Variants in COLEC12 observed in about 807,000 individuals in gnomAD.
COLEC12 encodes the protein collectin subfamily member 12.
A neutral mutation model predicts 71.1 loss-of-function variants in COLEC12; 33 were observed. That is an observed-to-expected ratio of 0.46 (90% confidence interval 0.35 to 0.62). The LOEUF is 0.62. Ranked by LOEUF, COLEC12 falls within the 20% of genes least tolerant of loss-of-function variation. COLEC12 has a pLI of 0.00. For synonymous variants in COLEC12, 350 were observed against 353.0 expected (o/e 0.99, Z 0.10); for missense variants, 765 against 916.1 (o/e 0.84, Z 2.13).
intron 2 of COLEC12, among the ~76,000 whole-genome samples, chr18:471,319 G>A (rs867712704): frequency 1.3e-5 from 2 of 151,764 alleles, no homozygotes; most frequent in African/African-American, 2.4e-5. Flanking sequence ...CTAAGATTTG[G>A]AACTTTCTCA....
intron 2 of COLEC12, among the ~76,000 whole-genome samples, chr18:413,627 C>T (rs1196724333): frequency 1.3e-5 from 2 of 152,178 alleles, no homozygotes; most frequent in Admixed American, 1.3e-4. Flanking sequence ...AGCTCAAGAC[C>T]AGCCTAGGCA....
chr18:390,795 C>T (rs1484624416), intron 2 of COLEC12, among the ~76,000 whole-genome samples: 2 of 151,750 alleles, frequency 1.3e-5, no homozygotes, highest in Non-Finnish European at 2.9e-5. Context: ...GCAGAGGCAA[C>T]GGCTCCTTTG....
intron 2 of COLEC12, among the ~76,000 whole-genome samples, chr18:428,408 G>A (rs1916239057): frequency 6.6e-6 from 1 of 152,196 alleles, no homozygotes; most frequent in African/African-American, 2.4e-5. Context: ...TTTGGTGTGA[G>A]ATGAGAACAG....
rs564386951 is a variant in COLEC12, at chr18:363,256, C to T, written c.59-5734G>A. On this transcript the variant is annotated intron_variant, in intron 2 of 9. Coordinates refer to ENST00000400256, the MANE Select transcript of COLEC12 (RefSeq NM_130386.3). Reference sequence around the variant, plus strand: ...AGAAAAAAAAAGAGTCTCCTTCACTCTCATATTTTTTTGCCATGTATATCA... The same window carrying T: ...AGAAAAAAAAAGAGTCTCCTTCACTTTCATATTTTTTTGCCATGTATATCA... 5.9e-5 allele frequency among the ~76,000 whole-genome samples: 9 copies of T among 152,266 alleles called. No individual in the cohort carries two copies. In the South Asian group the frequency reaches 6.2e-4, roughly 11 times the overall value.
At chr18:421,175 T>C (rs1367608210) in intron 2 of COLEC12, among the ~76,000 whole-genome samples, 1 of 152,242 alleles carries the variant, frequency 6.6e-6, no homozygotes, top group Non-Finnish European at 1.5e-5. Flanking sequence ...TATATGCATA[T>C]ACTTTGATAG....
chr18:467,696 G>GT (rs913400447), intron 2 of COLEC12, among the ~76,000 whole-genome samples: 1 of 152,176 alleles, frequency 6.6e-6, no homozygotes, highest in Non-Finnish European at 1.5e-5. Flanking sequence ...AATCTTCCAT[G>GT]TTTGAGTCTA....
rs1049945075 is a variant in COLEC12, at chr18:348,108, A to G, written c.237T>C (p.Tyr79=). Residue 79 remains tyrosine (Y), a synonymous_variant, in exon 4 of 10, where the codon TAT becomes TAC. Coordinates refer to ENST00000400256, the MANE Select transcript of COLEC12 (RefSeq NM_130386.3). ...TGGMETSRQT[Y]DDKLTAVESD... is the part of the protein sequence containing the mutation. The stretch of plus-strand genomic sequence containing the variant: ...TTTCCACTGCTGTGAGCTTGTCATC[A>G]TAGGTTTGGCGAGATGTTTCCATGC... 5.0e-6 allele frequency: 8 copies of G among 1,613,892 alleles called. No individual in the cohort carries two copies. Among genetic ancestry groups the G allele is most frequent in the Non-Finnish European group, 6.8e-6 (8 of 1,179,928 alleles).
chr18:388,591 T>G (rs1451007419), intron 2 of COLEC12, among the ~76,000 whole-genome samples: 1 of 152,210 alleles, frequency 6.6e-6, no homozygotes, highest in Non-Finnish European at 1.5e-5. Flanking sequence ...TCCAGGATTT[T>G]TTGTTTCATT....
chr18:334,715 C>T, intron 6 of COLEC12, 27 bp downstream of exon 6: 1 of 1,454,376 alleles, frequency 6.9e-7, no homozygotes. Flanking sequence ...CCCTGTCCCC[C>T]TGGCTGGAGG....
intron 2 of COLEC12, among the ~76,000 whole-genome samples, chr18:445,910 G>T (rs1357297639): frequency 2.0e-5 from 3 of 152,292 alleles, no homozygotes; most frequent in African/African-American, 7.2e-5. Flanking sequence ...GGGATTACAG[G>T]CATGAGTCAC....
rs536514891 is a variant in COLEC12 at position 360,714 on chromosome 18, G to A, written c.59-3192C>T. 2.0e-5 allele frequency among the ~76,000 whole-genome samples: 3 copies of A among 152,290 alleles called. No homozygotes were observed. The South Asian group carries it at 6.2e-4, about 32-fold the overall frequency. On this transcript the variant is annotated intron_variant, in intron 2 of 9. Coordinates refer to ENST00000400256, the MANE Select transcript of COLEC12 (RefSeq NM_130386.3). ...GCAACTGGTCTGAGGACCACACTTCGAGGAGCAAGGATTTAGTTTAGAAGC... is the reference window on the plus strand; with the variant it reads ...GCAACTGGTCTGAGGACCACACTTCAAGGAGCAAGGATTTAGTTTAGAAGC...
chr18:416,864 G>A (rs1487691565), intron 2 of COLEC12, among the ~76,000 whole-genome samples: 2 of 150,936 alleles, frequency 1.3e-5, no homozygotes, highest in African/African-American at 2.4e-5. Flanking sequence ...AGGTGGGGGC[G>A]GTGGGGGGTG....
At chr18:406,908 G>A (rs962793159) in intron 2 of COLEC12, among the ~76,000 whole-genome samples, 3 of 152,268 alleles carry the variant, frequency 2.0e-5, no homozygotes, top group Non-Finnish European at 4.4e-5. Context: ...CAGGAGCGAT[G>A]ACGGGACAAT....
chr18:466,021 T>C (rs1917078860), intron 2 of COLEC12, among the ~76,000 whole-genome samples: 1 of 151,974 alleles, frequency 6.6e-6, no homozygotes, highest in Non-Finnish European at 1.5e-5. Context: ...CAAGCACAGA[T>C]TGCACCATTG....
At position 423,748 on chromosome 18, in the gene COLEC12, GTTTTTTTTT is replaced by G. The variant is rs1567903803; in HGVS notation, c.58+56950_58+56958del. On this transcript the variant is annotated intron_variant, in intron 2 of 9. Transcript: ENST00000400256. ...CGACTTCTGGTTTTGTTTTTTGTTT[GTTTTTTTTT>G]GTTTTGTTTTTTTTTCCCAGTCTTT... 3.4e-4 allele frequency: 51 copies of G among 151,266 alleles called. 1 individual carries two copies. Among genetic ancestry groups the G allele is most frequent in the Non-Finnish European group, 1.9e-4 (13 of 67,850 alleles). The allele number at this position is 151,266 out of a possible 1,614,324, so 9.4% of individuals were successfully genotyped here.
intron 2 of COLEC12, among the ~76,000 whole-genome samples, chr18:414,746 T>A (rs1199915544): frequency 6.6e-6 from 1 of 152,204 alleles, no homozygotes; most frequent in Non-Finnish European, 1.5e-5. Context: ...ATGAAGTGAC[T>A]TGCCCAAGGA....
chr18:444,733 A>T (rs1158635976), intron 2 of COLEC12, among the ~76,000 whole-genome samples: 1 of 152,220 alleles, frequency 6.6e-6, no homozygotes, highest in African/African-American at 2.4e-5. Context: ...CTTTTATTTT[A>T]AAAAAGATGT....
At chr18:460,136 G>A (rs1598371729) in intron 2 of COLEC12, among the ~76,000 whole-genome samples, 1 of 152,162 alleles carries the variant, frequency 6.6e-6, no homozygotes, top group Non-Finnish European at 1.5e-5. Context: ...CAGTAAGAAC[G>A]TTTTTGACAA....
At chr18:460,322 T>C (rs1916957170) in intron 2 of COLEC12, among the ~76,000 whole-genome samples, 1 of 152,142 alleles carries the variant, frequency 6.6e-6, no homozygotes, top group Admixed American at 6.5e-5. Context: ...TGTCACCTTT[T>C]GAATCCCCCA....
Sources: gnomAD v4.1 joint callset for allele counts (sites outside exome capture counted in the v4.1 genomes callset) on GRCh38, gnomAD v4.1.1 for gene constraint, MANE v1.5 for transcripts, NCBI Gene and HGNC (gene_info 2026-07-23, HGNC 2026-07-21) for gene names.